Variants in RECK observed in about 807,000 individuals in gnomAD.
RECK encodes the protein reversion-inducing cysteine-rich protein with Kazal motifs.
In RECK, 69 loss-of-function variants were observed where a neutral mutation model predicts 115.1. The ratio of observed to expected loss-of-function variants is 0.60; its 90% CI spans 0.49 to 0.73. RECK has a LOEUF of 0.73. RECK is among the 30% of genes least tolerant of loss of function. The pLI, the probability that RECK is intolerant of heterozygous loss-of-function variation, is 0.00. For synonymous variants in RECK, 414 were observed against 419.7 expected (o/e 0.99, Z 0.17); for missense variants, 1,047 against 1,203.7 (o/e 0.87, Z 1.93).
Position 36,058,655 on chromosome 9 carries a change from T to C in RECK, c.160-172T>C, listed in dbSNP as rs139347909. The stretch of plus-strand genomic sequence containing the variant: ...TACCCTAAAACTTAAAGTATAATAA[T>C]AATTAATAAATAAATAAATAAATAA... On this transcript the variant is annotated intron_variant, in intron 2 of 20. Coordinates refer to ENST00000377966, the MANE Select transcript of RECK (RefSeq NM_021111.3). Among the ~76,000 whole-genome samples the C allele has an allele frequency of 9.5e-3, 1,411 of 148,606 alleles. 15 individuals carry two copies. The highest frequency in any genetic ancestry group is 0.045 in the Middle Eastern group (13 of 286).
intron 2 of RECK, among the ~76,000 whole-genome samples, chr9:36,053,485 C>T (rs1324809761): frequency 6.6e-6 from 1 of 152,158 alleles, no homozygotes; most frequent in African/African-American, 2.4e-5. Flanking sequence ...GACACTGATT[C>T]AGCTCATCTA....
rs1356709735 is a variant in RECK, at chr9:36,083,387, T to C, written c.462T>C (p.Tyr154=). 6 of 1,614,108 alleles carry C rather than the reference T, an allele frequency of 3.7e-6. No homozygotes were observed. Among genetic ancestry groups the C allele is most frequent in the Middle Eastern group, 1.7e-4 (1 of 6,060 alleles). ...TAGTGGGCTCGGTTTGTTGCAGTTATGCAGGTCATCACACAAACTGCCGAG... is the reference window on the plus strand; with the variant it reads ...TAGTGGGCTCGGTTTGTTGCAGTTACGCAGGTCATCACACAAACTGCCGAG... ...RNEMGSVCCS[Y]AGHHTNCREY... The change falls in exon 8 of 21, where the codon TAT becomes TAC. Residue 154 remains tyrosine (Y), a synonymous_variant. Coordinates refer to ENST00000377966, the MANE Select transcript of RECK (RefSeq NM_021111.3).
intron 1 of RECK, among the ~76,000 whole-genome samples, chr9:36,049,143 A>G (rs553201509): frequency 6.6e-6 from 1 of 152,322 alleles, no homozygotes; most frequent in South Asian, 2.1e-4. Flanking sequence ...ATGTCCTCTT[A>G]TGGAATCAGG....
intron 13 of RECK, 85 bp from the exon 14 acceptor site, chr9:36,107,891 A>C: frequency 1.1e-6 from 1 of 933,804 alleles, no homozygotes; most frequent in Non-Finnish European, 1.6e-6. Flanking sequence ...AGTACCTATA[A>C]GACTTTTATC....
intron 2 of RECK, among the ~76,000 whole-genome samples, chr9:36,056,738 A>G (rs1288878359): frequency 6.6e-6 from 1 of 151,850 alleles, no homozygotes. Flanking sequence ...ATACCCACAC[A>G]TGGCTAACAG....
chr9:36,047,214 G>T (rs1473704238), intron 1 of RECK, among the ~76,000 whole-genome samples: 1 of 152,200 alleles, frequency 6.6e-6, no homozygotes, highest in African/African-American at 2.4e-5. Context: ...ACTCAGGAGA[G>T]CCTTTTTTCC....
At chr9:36,078,550 C>A (rs1822549823) in intron 6 of RECK, among the ~76,000 whole-genome samples, 1 of 152,116 alleles carries the variant, frequency 6.6e-6, no homozygotes, top group African/African-American at 2.4e-5. Flanking sequence ...GCACTCCCCA[C>A]CCCTCAGTTG....
chr9:36,042,643 G>A (rs1383230214), intron 1 of RECK, among the ~76,000 whole-genome samples: 3 of 151,860 alleles, frequency 2.0e-5, no homozygotes, highest in Non-Finnish European at 2.9e-5. Context: ...ATAAGCATGC[G>A]TGTGCAAGTG....
intron 17 of RECK, 46 bp from the exon 18 acceptor site, chr9:36,118,711 T>C: frequency 6.3e-7 from 1 of 1,579,218 alleles, no homozygotes; most frequent in Non-Finnish European, 8.7e-7. Flanking sequence ...TTGGGAAAGG[T>C]ACAACATAGA....
intron 4 of RECK, 51 bp from the exon 5 acceptor site, chr9:36,063,744 C>T (rs1821876492): frequency 3.9e-6 from 6 of 1,524,384 alleles, no homozygotes; most frequent in Non-Finnish European, 4.5e-6. Flanking sequence ...GGCATGCTAT[C>T]TCTTTTTATT....
At chr9:36,091,737 G>A (rs368288407) in intron 10 of RECK, among the ~76,000 whole-genome samples, 1 of 127,132 alleles carries the variant, frequency 7.9e-6, no homozygotes. Flanking sequence ...TGAGTCCCCT[G>A]TTTCATACAA....
At chr9:36,122,801 G>A in intron 20 of RECK, 23 bp from the exon 21 acceptor site, 1 of 1,597,374 alleles carries the variant, frequency 6.3e-7, no homozygotes, top group Non-Finnish European at 8.6e-7. Flanking sequence ...TTTATATTAA[G>A]GGAACCTTGT....
chr9:36,070,889 G>A (rs1822202662), intron 6 of RECK, among the ~76,000 whole-genome samples: 1 of 152,174 alleles, frequency 6.6e-6, no homozygotes, highest in South Asian at 2.1e-4. Context: ...TCCTTTATGG[G>A]CATGTTCAAG....
chr9:36,091,359 A>T lies in RECK; in HGVS notation c.1085+16A>T. On this transcript the variant is annotated intron_variant, in intron 10 of 20. Transcript: ENST00000377966. ...TTAACAACAGGTAAGACAAATTATTATACATGGAATGGAAATATTTTATCA... is the reference window on the plus strand; with the variant it reads ...TTAACAACAGGTAAGACAAATTATTTTACATGGAATGGAAATATTTTATCA... 1.4e-6 allele frequency: 2 copies of T among 1,413,678 alleles called. No individual in the cohort carries two copies. The highest frequency in any genetic ancestry group is 1.9e-6 in the Non-Finnish European group (2 of 1,065,126). 87.6% of individuals were successfully genotyped at this position (1,413,678 alleles called of 1,614,324 possible).
chr9:36,056,852 A>T, intron 2 of RECK: 1 of 363,894 alleles, frequency 2.7e-6, no homozygotes, highest in Non-Finnish European at 3.8e-6. Flanking sequence ...TAAATGCATT[A>T]ATTCACTAGG....
chr9:36,085,815 T>C (rs1271387876), intron 8 of RECK: 1 of 152,178 alleles, frequency 6.6e-6, no homozygotes, highest in Non-Finnish European at 1.5e-5. Flanking sequence ...ATCAGAACTC[T>C]AATGGCTTTT....
intron 6 of RECK, among the ~76,000 whole-genome samples, chr9:36,076,470 T>G (rs1255216019): frequency 6.6e-6 from 1 of 152,150 alleles, no homozygotes; most frequent in Non-Finnish European, 1.5e-5. Context: ...TTTGATTTAC[T>G]CTGTTTTTGT....
At position 36,064,064 on chromosome 9, in the gene RECK, A is replaced by G. The variant is rs889502507; in HGVS notation, c.357+184A>G. 2.6e-5 allele frequency among the ~76,000 whole-genome samples: 4 copies of G among 152,326 alleles called. No individual in the cohort carries two copies. The South Asian group carries it at 6.2e-4, about 24-fold the overall frequency. On this transcript the variant is annotated intron_variant, in intron 5 of 20. Coordinates refer to ENST00000377966, the MANE Select transcript of RECK (RefSeq NM_021111.3). ...CTGTTTTTTTATTTATGGCTGCTGC[A>G]TATGGCCTCAGCCTGCTTTTATTCT...
chr9:36,045,633 C>CATTA (rs1267533458), intron 1 of RECK, among the ~76,000 whole-genome samples: 3 of 146,950 alleles, frequency 2.0e-5, no homozygotes, highest in Non-Finnish European at 4.5e-5. Flanking sequence ...AATTGCTTTT[C>CATTA]ATTAACCAAC....
Sources: gnomAD v4.1 joint callset for allele counts (sites outside exome capture counted in the v4.1 genomes callset) on GRCh38, gnomAD v4.1.1 for gene constraint, MANE v1.5 for transcripts, NCBI Gene and HGNC (gene_info 2026-07-23, HGNC 2026-07-21) for gene names.